Variants in PRMT7 observed in about 807,000 individuals in gnomAD.
The protein encoded by PRMT7 is protein arginine N-methyltransferase 7.
PRMT7 carries 75 observed loss-of-function variants against 85.4 expected under a neutral mutation model. The ratio of observed to expected loss-of-function variants is 0.88; its 90% CI spans 0.73 to 1.06. The LOEUF is 1.06. PRMT7 is among the 50% of genes least tolerant of loss of function. The pLI is 0.00. For missense variants in PRMT7, 868 were observed against 915.2 expected (o/e 0.95, Z 0.67); for synonymous variants, 397 against 359.5 (o/e 1.10, Z -1.18).
At chr16:68,316,441 T>C (rs1411683313) in intron 3 of PRMT7, among the ~76,000 whole-genome samples, 1 of 152,220 alleles carries the variant, frequency 6.6e-6, no homozygotes, top group Admixed American at 6.5e-5. Context: ...AAAATGGTTT[T>C]TTTTTTCCCT....
At chr16:68,338,880 C>G (rs1338005487) in intron 7 of PRMT7, among the ~76,000 whole-genome samples, 4 of 152,110 alleles carry the variant, frequency 2.6e-5, no homozygotes, top group African/African-American at 9.7e-5. Flanking sequence ...GGAGCCACAG[C>G]CCTAGGGGCT....
intron 14 of PRMT7, among the ~76,000 whole-genome samples, chr16:68,350,617 C>T: frequency 6.6e-6 from 1 of 152,198 alleles, no homozygotes; most frequent in East Asian, 1.9e-4. Flanking sequence ...AGATATAATT[C>T]ACATACCTTA....
chr16:68,328,005 G>C (rs1441848401), intron 5 of PRMT7: 1 of 166,204 alleles, frequency 6.0e-6, no homozygotes, highest in East Asian at 2.2e-4. Context: ...ACCATTCTGA[G>C]TATTATTACA....
At chr16:68,354,501 A>G (rs1004856081) in intron 16 of PRMT7, 1 of 152,278 alleles carries the variant, frequency 6.6e-6, no homozygotes, top group Non-Finnish European at 1.5e-5. Context: ...ATTTTCCCAT[A>G]GTGAACATGG....
At position 68,353,534 on chromosome 16, in the gene PRMT7, T is replaced by G; in HGVS notation, c.1618T>G (p.Phe540Val). The G allele has an allele frequency of 6.2e-7, 1 of 1,603,098 alleles. No homozygotes were observed. The highest frequency in any genetic ancestry group is 8.5e-7 in the Non-Finnish European group (1 of 1,175,068). ...GAGCCCCTGTGGTGACTGCGAAGGC[T>G]TCGACGTGCACATCATGGACGACAT... is the stretch of plus-strand genomic sequence containing the variant. ...IRSPCGDCEGFDVHIMDDMIK... is the reference protein window; with the variant it reads ...IRSPCGDCEGVDVHIMDDMIK... The change falls in exon 16 of 19, where the codon TTC becomes GTC. Residue 540 changes from phenylalanine to valine, a missense_variant. By Grantham distance (50) the Phe-to-Val change is conservative (BLOSUM62 -1). Coordinates refer to ENST00000441236, the MANE Select transcript of PRMT7 (RefSeq NM_019023.5).
At chr16:68,334,950 C>T (rs2084440023) in intron 6 of PRMT7, among the ~76,000 whole-genome samples, 1 of 152,094 alleles carries the variant, frequency 6.6e-6, no homozygotes, top group African/African-American at 2.4e-5. Context: ...GCGCGTGCTA[C>T]TACACCCGGC....
At chr16:68,332,427 CCAGA>C (rs1308309753) in intron 6 of PRMT7, among the ~76,000 whole-genome samples, 1 of 152,168 alleles carries the variant, frequency 6.6e-6, no homozygotes, top group African/African-American at 2.4e-5. Flanking sequence ...GGCTGTTTAG[CCAGA>C]CAGTTACTGT....
intron 9 of PRMT7, among the ~76,000 whole-genome samples, chr16:68,343,091 C>T (rs1411905859): frequency 6.6e-6 from 1 of 151,948 alleles, no homozygotes; most frequent in East Asian, 1.9e-4. Context: ...GCCTGTAATC[C>T]CAGCTACAGG....
intron 3 of PRMT7, among the ~76,000 whole-genome samples, chr16:68,318,559 A>C (rs918199327): frequency 6.6e-6 from 1 of 151,908 alleles, no homozygotes; most frequent in Non-Finnish European, 1.5e-5. Context: ...GTTCAGATGG[A>C]GTCTTACTCT....
At chr16:68,347,561 G>C in intron 12 of PRMT7, 70 bp from the exon 13 acceptor site, 2 of 1,512,716 alleles carry the variant, frequency 1.3e-6, no homozygotes, top group East Asian at 2.3e-5. Flanking sequence ...TGGTCTTGTC[G>C]CATTTTAATC....
At chr16:68,348,075 A>G (rs2307022) in intron 13 of PRMT7, among the ~76,000 whole-genome samples, 106,490 of 152,098 alleles carry the variant, frequency 0.7, 37,531 homozygotes, top group East Asian at 0.85. Flanking sequence ...AACTCCCTTC[A>G]CCAGAACTGC....
At chr16:68,321,374 C>G in intron 3 of PRMT7, 52 bp from the exon 4 acceptor site, 1 of 1,435,702 alleles carries the variant, frequency 7.0e-7, no homozygotes, top group Non-Finnish European at 9.8e-7. Context: ...TGTGAATACT[C>G]TTGTGTGTTG....
chr16:68,321,837 A>T, intron 4 of PRMT7: 1 of 173,512 alleles, frequency 5.8e-6, no homozygotes, highest in Admixed American at 6.2e-5. Flanking sequence ...TACATTATTA[A>T]CTATAGCTCA....
intron 15 of PRMT7, chr16:68,353,247 C>T (rs1006835854): frequency 4.4e-6 from 3 of 686,308 alleles, no homozygotes; most frequent in Non-Finnish European, 6.6e-6. Flanking sequence ...AGCCCCCAGC[C>T]TAGGAGCTCT....
At chr16:68,337,889 A>G (rs1177079269) in intron 7 of PRMT7, among the ~76,000 whole-genome samples, 1 of 152,206 alleles carries the variant, frequency 6.6e-6, no homozygotes, top group Non-Finnish European at 1.5e-5. Context: ...CAGATGGAAT[A>G]TTTCTGGTAG....
chr16:68,311,371 A>AC, intron 1 of PRMT7: 1 of 278,292 alleles, frequency 3.6e-6, no homozygotes. Flanking sequence ...AGACCGCAGT[A>AC]GCTCCAACCA....
intron 5 of PRMT7, among the ~76,000 whole-genome samples, chr16:68,325,746 G>A (rs1024680769): frequency 4.7e-5 from 7 of 148,682 alleles, no homozygotes; most frequent in African/African-American, 1.7e-4. Flanking sequence ...AGCCGAGATT[G>A]CGCCACTGCA....
chr16:68,323,501 T>C lies in PRMT7; in HGVS notation c.133-1182T>C, dbSNP rs543685920. The stretch of plus-strand genomic sequence containing the variant: ...TCCCAAAGTGCTGGGATTACAGATG[T>C]GAGTCACTGCACCCGGCCTGGTAAT... On this transcript the variant is annotated intron_variant, in intron 4 of 18. Coordinates refer to ENST00000441236, the MANE Select transcript of PRMT7 (RefSeq NM_019023.5). Among the ~76,000 whole-genome samples the C allele has an allele frequency of 4.3e-3, 654 of 152,316 alleles. 7 individuals carry two copies. The highest frequency in any genetic ancestry group is 0.015 in the African/African-American group (639 of 41,584).
chr16:68,342,229 G>A (rs570717897), intron 9 of PRMT7, among the ~76,000 whole-genome samples: 4 of 152,128 alleles, frequency 2.6e-5, no homozygotes, highest in Non-Finnish European at 5.9e-5. Context: ...AGTGAGCTGA[G>A]GTCACACCAC....
Sources: gnomAD v4.1 joint callset for allele counts (sites outside exome capture counted in the v4.1 genomes callset) on GRCh38, gnomAD v4.1.1 for gene constraint, MANE v1.5 for transcripts, NCBI Gene and HGNC (gene_info 2026-07-23, HGNC 2026-07-21) for gene names.